CPB2: variants seen among roughly 807,000 people sequenced by gnomAD.
The protein encoded by CPB2 is carboxypeptidase B-like protein.
A neutral mutation model predicts 57.0 loss-of-function variants in CPB2; 54 were observed. The observed-to-expected ratio is 0.95, with a 90% confidence interval of 0.76 to 1.19. The LOEUF is 1.19. CPB2 is among the 50% of genes most tolerant of loss of function. The pLI is 0.00. For synonymous variants in CPB2, 189 were observed against 178.1 expected, an observed-to-expected ratio of 1.06 and a Z score of -0.49; for missense variants, 426 against 512.0, an observed-to-expected ratio of 0.83 and a Z score of 1.62.
chr13:46,080,971 C>CGAA (rs2045105594), intron 4 of CPB2, among the ~76,000 whole-genome samples: 1 of 98,652 alleles, frequency 1.0e-5, no homozygotes, highest in Admixed American at 1.2e-4. Flanking sequence ...AACTCTGTCT[C>CGAA]AAAAAAAAAA....
At chr13:46,100,561 C>T (rs1017317050) in intron 1 of CPB2, 1 of 152,124 alleles carries the variant, frequency 6.6e-6, no homozygotes, top group Non-Finnish European at 1.5e-5. Flanking sequence ...GGTGCACTCC[C>T]CTTACCTCAG....
intron 5 of CPB2, among the ~76,000 whole-genome samples, chr13:46,077,472 G>C (rs2045040272): frequency 6.6e-6 from 1 of 152,130 alleles, no homozygotes; most frequent in Non-Finnish European, 1.5e-5. Context: ...GTACACTGTT[G>C]GTAGGAATGT....
At chr13:46,095,463 G>A (rs910286244) in intron 1 of CPB2, among the ~76,000 whole-genome samples, 1 of 152,206 alleles carries the variant, frequency 6.6e-6, no homozygotes, top group African/African-American at 2.4e-5. Context: ...GATGGATCCT[G>A]GAAAACGACA....
intron 2 of CPB2, among the ~76,000 whole-genome samples, 160 bp downstream of exon 2, chr13:46,087,585 G>A (rs547734874): frequency 6.6e-6 from 1 of 152,232 alleles, no homozygotes; most frequent in East Asian, 1.9e-4. Context: ...GTTGATTTGG[G>A]GAACCAACAA....
chr13:46,090,407 G>C (rs1043847361), intron 1 of CPB2, among the ~76,000 whole-genome samples: 9 of 142,638 alleles, frequency 6.3e-5, no homozygotes, highest in Non-Finnish European at 1.3e-4. Flanking sequence ...CTGTCACCCA[G>C]GCAGGAGTGC....
chr13:46,078,048 A>G (rs1036674827), intron 5 of CPB2, among the ~76,000 whole-genome samples: 2 of 152,168 alleles, frequency 1.3e-5, no homozygotes, highest in African/African-American at 2.4e-5. Context: ...AAATAGCTAG[A>G]AGATGAACTT....
chr13:46,090,362 C>CTTTT (rs11458090), intron 1 of CPB2, among the ~76,000 whole-genome samples: 2 of 125,818 alleles, frequency 1.6e-5, no homozygotes, highest in African/African-American at 3.0e-5. Context: ...TTTGTCTATT[C>CTTTT]TTTTTTTTTT....
At chr13:46,059,052 G>T (rs2044735549) in intron 8 of CPB2, among the ~76,000 whole-genome samples, 1 of 152,172 alleles carries the variant, frequency 6.6e-6, no homozygotes, top group African/African-American at 2.4e-5. Context: ...ACAGTTGAGG[G>T]CTCAGGATTG....
rs1411200558 is a variant in CPB2 at position 46,058,172 on chromosome 13, C to CTTTTT, written c.999+6_999+7insAAAAA. ...GCTAATGAGAAAAATAATTAAGTAG[C>CTTTTT]ACTTACCAGTTCCTCATGGTCTTTG... On this transcript the variant is annotated splice_region_variant and intron_variant, in intron 9 of 10. Transcript: ENST00000181383. 1.2e-6 allele frequency: 2 copies of CTTTTT among 1,604,062 alleles called. No homozygotes were observed. The highest frequency in any genetic ancestry group is 2.7e-5 in the African/African-American group (2 of 74,654).
intron 1 of CPB2, among the ~76,000 whole-genome samples, chr13:46,102,679 C>T (rs577826784): frequency 6.7e-6 from 1 of 148,884 alleles, no homozygotes; most frequent in Non-Finnish European, 1.5e-5. Context: ...AATTAGATTT[C>T]CTTTTTAGCT....
chr13:46,085,218 A>G (rs2045184789), intron 2 of CPB2, among the ~76,000 whole-genome samples: 1 of 152,188 alleles, frequency 6.6e-6, no homozygotes, highest in African/African-American at 2.4e-5. Context: ...GGCAGGTGTT[A>G]TTATTTGCAT....
At chr13:46,103,111 G>A (rs1028027018) in intron 1 of CPB2, among the ~76,000 whole-genome samples, 2 of 152,078 alleles carry the variant, frequency 1.3e-5, no homozygotes, top group Admixed American at 6.5e-5. Flanking sequence ...TGCTATACAC[G>A]TACTCATTTG....
At position 46,085,364 on chromosome 13, in the gene CPB2, G is replaced by A. The variant is rs766614605; in HGVS notation, c.151-1021C>T. ...TCCTCTTTACCATGATGTGGTGGTC[G>A]TGAATATGCACCATTTAGCTCTTCG... On this transcript the variant is annotated intron_variant, in intron 2 of 10. Coordinates refer to ENST00000181383, the MANE Select transcript of CPB2 (RefSeq NM_001872.5). Among the ~76,000 whole-genome samples the A allele has an allele frequency of 1.4e-4, 22 of 152,278 alleles. 1 individual carries two copies. The highest frequency in any genetic ancestry group is 6.8e-3 in the Middle Eastern group (2 of 292).
chr13:46,091,817 A>G (rs1410507337), intron 1 of CPB2, among the ~76,000 whole-genome samples: 3 of 152,254 alleles, frequency 2.0e-5, no homozygotes, highest in African/African-American at 4.8e-5. Flanking sequence ...TAGAAAAGAA[A>G]GAATTTCTTA....
intron 7 of CPB2, 117 bp from the exon 8 acceptor site, chr13:46,064,858 C>A: frequency 1.4e-6 from 1 of 714,660 alleles, no homozygotes; most frequent in South Asian, 1.6e-5. Flanking sequence ...AATCCCATAC[C>A]TTGCATGGCT....
At chr13:46,088,458 T>C (rs963715549) in intron 1 of CPB2, among the ~76,000 whole-genome samples, 1 of 152,232 alleles carries the variant, frequency 6.6e-6, no homozygotes, top group African/African-American at 2.4e-5. Flanking sequence ...CGGTATTGTA[T>C]TCTCAAGATT....
At chr13:46,056,480 G>A (rs1028011501) in intron 9 of CPB2, among the ~76,000 whole-genome samples, 16 of 152,142 alleles carry the variant, frequency 1.1e-4, no homozygotes, top group Admixed American at 4.6e-4. Context: ...TTCGGAAATT[G>A]GAACTAGCAT....
chr13:46,097,024 G>A (rs1177241931), intron 1 of CPB2: 1 of 152,216 alleles, frequency 6.6e-6, no homozygotes, highest in Non-Finnish European at 1.5e-5. Flanking sequence ...GAGACAAAGA[G>A]ATTGGAGAAA....
chr13:46,091,100 C>G (rs1348342851), intron 1 of CPB2, among the ~76,000 whole-genome samples: 1 of 152,174 alleles, frequency 6.6e-6, no homozygotes, highest in Non-Finnish European at 1.5e-5. Context: ...CATGCCACCT[C>G]TAAGCTCTTT....
Sources: gnomAD v4.1 joint callset for allele counts (sites outside exome capture counted in the v4.1 genomes callset) on GRCh38, gnomAD v4.1.1 for gene constraint, MANE v1.5 for transcripts, NCBI Gene and HGNC (gene_info 2026-07-23, HGNC 2026-07-21) for gene names.